The following LARP7 variants were observed in gnomAD, a reference collection of about 807,000 sequenced individuals.
LARP7 encodes the protein la-related protein 7.
A neutral mutation model predicts 69.3 loss-of-function variants in LARP7; 52 were observed. That is an observed-to-expected ratio of 0.75 (90% confidence interval 0.60 to 0.95). The LOEUF (loss-of-function observed/expected upper bound fraction) is 0.95, where lower values mean the gene tolerates loss of function less well. LARP7 is among the 40% of genes least tolerant of loss of function. The pLI is 0.00. For missense variants in LARP7, 733 were observed against 673.0 expected (o/e 1.09, Z -0.99); for synonymous variants, 254 against 215.9 (o/e 1.18, Z -1.55).
intron 10 of LARP7, among the ~76,000 whole-genome samples, chr4:112,652,437 A>G (rs1410357906): frequency 1.3e-5 from 2 of 152,088 alleles, no homozygotes; most frequent in Non-Finnish European, 2.9e-5. Context: ...GTTGATTAAG[A>G]ATGCAGGAAT....
chr4:112,645,818 G>A (rs1227142733), intron 2 of LARP7, among the ~76,000 whole-genome samples: 1 of 151,940 alleles, frequency 6.6e-6, no homozygotes, highest in African/African-American at 2.4e-5. Context: ...ATCCCCAGTT[G>A]CTAAATTTCA....
intron 1 of LARP7, chr4:112,644,315 G>C: frequency 6.4e-6 from 2 of 311,970 alleles, no homozygotes; most frequent in Non-Finnish European, 1.1e-5. Flanking sequence ...ATGGAGAGGA[G>C]GGGGTGTTGC....
intron 8 of LARP7, chr4:112,648,456 G>C (rs1163091540): frequency 5.6e-6 from 3 of 534,036 alleles, no homozygotes; most frequent in Non-Finnish European, 1.2e-5. Context: ...AGGTTAGCGT[G>C]TTCTATTTTG....
At position 112,647,408 on chromosome 4, in the gene LARP7, A is replaced by G. The variant is rs749413494; in HGVS notation, c.856A>G (p.Ser286Gly). Residue 286 changes from serine to glycine, a missense_variant, in exon 7 of 13, where the codon AGC becomes GGC. Coordinates refer to ENST00000344442, the MANE Select transcript of LARP7 (RefSeq NM_016648.4). Reference sequence around the variant, plus strand: ...AAAACGGGACAGAGTTGAAGCATCTAGCTTACCTGAAGTCAGAACAGGGAA... The same window carrying G: ...AAAACGGGACAGAGTTGAAGCATCTGGCTTACCTGAAGTCAGAACAGGGAA... ...KKKRDRVEAS[S>G]LPEVRTGKRK... 5 of 1,614,124 alleles carry G rather than the reference A, an allele frequency of 3.1e-6. No individual in the cohort carries two copies. The highest frequency in any genetic ancestry group is 3.3e-5 in the Admixed American group (2 of 60,018).
intron 2 of LARP7, 108 bp from the exon 3 acceptor site, chr4:112,646,243 T>C (rs530274458): frequency 1.8e-6 from 1 of 564,274 alleles, no homozygotes; most frequent in South Asian, 2.3e-5. Flanking sequence ...GTACTAGGAT[T>C]ACAGGCATGA....
intron 11 of LARP7, 102 bp downstream of exon 11, chr4:112,653,338 C>CT: frequency 1.1e-6 from 1 of 878,128 alleles, no homozygotes; most frequent in Non-Finnish European, 1.6e-6. Flanking sequence ...TTTTTTTGGT[C>CT]TTGCTCTGTC....
chr4:112,652,050 T>C (rs1309644035), intron 10 of LARP7, among the ~76,000 whole-genome samples: 1 of 151,874 alleles, frequency 6.6e-6, no homozygotes, highest in Non-Finnish European at 1.5e-5. Context: ...TTTGTGATAG[T>C]TGCTGAGTGT....
In LARP7 at chr4:112,647,209, A is replaced by C. The variant is rs1318379679; in HGVS notation, c.657A>C (p.Lys219Asn). ...ATGGCACTTTTACAGAAGAGAAGAA[A>C]AAGAAAAAGAAGAAGAAAGGCCGAA... ...IPALRVVEEK[K>N]KKKKKKGRMK... Residue 219 changes from lysine (K) to asparagine (N), a missense_variant, in exon 7 of 13, where the codon AAA (lysine) becomes AAC (asparagine). Transcript: ENST00000344442. The C allele has an allele frequency of 2.5e-6, 4 of 1,588,850 alleles. No homozygotes were observed. Among genetic ancestry groups the C allele is most frequent in the Non-Finnish European group, 3.4e-6 (4 of 1,173,228 alleles).
At chr4:112,645,844 G>C (rs934461307) in intron 2 of LARP7, among the ~76,000 whole-genome samples, 2 of 152,016 alleles carry the variant, frequency 1.3e-5, no homozygotes, top group Non-Finnish European at 2.9e-5. Flanking sequence ...CCAACCTTGT[G>C]CTTGTTTCTA....
At chr4:112,643,317 A>G (rs1488000950) in intron 1 of LARP7, among the ~76,000 whole-genome samples, 1 of 152,222 alleles carries the variant, frequency 6.6e-6, no homozygotes, top group African/African-American at 2.4e-5. Context: ...GGTGACATTT[A>G]AATAAACACT....
At chr4:112,646,498 T>C in intron 3 of LARP7, 47 bp downstream of exon 3, 3 of 1,299,924 alleles carry the variant, frequency 2.3e-6, no homozygotes, top group Non-Finnish European at 2.1e-6. Flanking sequence ...TTTATAATTA[T>C]AAAGAATGTT....
At chr4:112,648,023 C>G (rs566921391) in intron 8 of LARP7, 189 bp downstream of exon 8, 1 of 681,880 alleles carries the variant, frequency 1.5e-6, no homozygotes, top group Non-Finnish European at 2.8e-6. Context: ...AACATGGAAG[C>G]ACTTATTTTT....
intron 9 of LARP7, 182 bp downstream of exon 9, chr4:112,649,868 T>A: frequency 2.4e-6 from 1 of 413,912 alleles, no homozygotes; most frequent in Non-Finnish European, 4.2e-6. Flanking sequence ...TAAGAATATT[T>A]AAAAGGCTCA....
chr4:112,645,400 T>G (rs1413003978), intron 2 of LARP7, among the ~76,000 whole-genome samples: 21 of 152,234 alleles, frequency 1.4e-4, no homozygotes, highest in Admixed American at 1.4e-3. Context: ...TCAAAGCTTT[T>G]AAGTATTTTG....
intron 12 of LARP7, 63 bp downstream of exon 12, chr4:112,654,222 G>A (rs2048869961): frequency 1.4e-5 from 15 of 1,086,126 alleles, no homozygotes; most frequent in Middle Eastern, 4.1e-4. Context: ...GCCAAAGTCA[G>A]TACTAGGTAG....
intron 1 of LARP7, among the ~76,000 whole-genome samples, chr4:112,639,479 C>G (rs1261169375): frequency 6.6e-6 from 1 of 152,116 alleles, no homozygotes; most frequent in Non-Finnish European, 1.5e-5. Context: ...ATCCGCCCGC[C>G]TTGGCCTCCC....
In LARP7 at chr4:112,650,520, G is replaced by A. The variant is rs202109173; in HGVS notation, c.1354G>A (p.Val452Met). ...EKVNATGPQF[V>M]SGVIVKIIST... ...AGTTAATGCAACAGGACCACAGTTC[G>A]TGAGTGGAGTGATTGTGAAGATCAT... Residue 452 changes from valine (V) to methionine (M), a missense_variant, in exon 10 of 13, where the codon GTG becomes ATG. By Grantham distance (21) the Val-to-Met change is conservative. Transcript: ENST00000344442. The A allele has an allele frequency of 4.4e-5, 71 of 1,613,588 alleles. No individual in the cohort carries two copies. The highest frequency in any genetic ancestry group is 5.3e-5 in the Non-Finnish European group (62 of 1,179,744).
chr4:112,656,797 G>A (rs1234755465), intron 12 of LARP7, among the ~76,000 whole-genome samples: 1 of 152,068 alleles, frequency 6.6e-6, no homozygotes, highest in East Asian at 1.9e-4. Context: ...CCTTCCAATT[G>A]CCATATGGTA....
At position 112,643,398 on chromosome 4, in the gene LARP7, G is replaced by T. The variant is rs1010337082; in HGVS notation, c.-2-1270G>T. 2.6e-5 allele frequency among the ~76,000 whole-genome samples: 4 copies of T among 152,290 alleles called. No homozygotes were observed. The Middle Eastern group carries it at 0.014, about 518-fold the overall frequency. ...AAAGAGAACAGGTTTAAAAGACCCC[G>T]TTAGACATTGCTGGGTGAGCTTCAA... On this transcript the variant is annotated intron_variant, in intron 1 of 12. Coordinates refer to ENST00000344442, the MANE Select transcript of LARP7 (RefSeq NM_016648.4).
Sources: gnomAD v4.1 joint callset for allele counts (sites outside exome capture counted in the v4.1 genomes callset) on GRCh38, gnomAD v4.1.1 for gene constraint, MANE v1.5 for transcripts, NCBI Gene and HGNC (gene_info 2026-07-23, HGNC 2026-07-21) for gene names.